SEM1: variants seen among roughly 807,000 people sequenced by gnomAD.
SEM1 encodes the protein 26S proteasome complex subunit SEM1.
Under a neutral mutation model 12.7 loss-of-function variants are expected in SEM1, and 3 were observed. The observed-to-expected ratio is 0.24, with a 90% CI of 0.11 to 0.61. SEM1 has a LOEUF of 0.61. Ranked by LOEUF, SEM1 falls within the 20% of genes least tolerant of loss-of-function variation. SEM1 has a pLI of 0.88. For synonymous variants in SEM1, 30 were observed against 27.8 expected, an observed-to-expected ratio of 1.08 and a Z score of -0.25; for missense variants, 59 against 81.3, an observed-to-expected ratio of 0.73 and a Z score of 1.06.
downstream of SEM1, among the ~76,000 whole-genome samples, chr7:96,621,328 C>T (rs1006204269): frequency 1.3e-5 from 2 of 152,050 alleles, no homozygotes; most frequent in African/African-American, 4.8e-5. Context: ...AATTGTGAAG[C>T]TTTGGTAGGC....
intron 2 of SEM1, among the ~76,000 whole-genome samples, chr7:96,552,354 C>G (rs948206604): frequency 1.1e-4 from 17 of 152,090 alleles, no homozygotes; most frequent in Non-Finnish European, 1.8e-4. Flanking sequence ...CACCACCCCA[C>G]AACAGTCCCC....
chr7:96,553,034 A>G (rs1171133428), intron 2 of SEM1, among the ~76,000 whole-genome samples: 2 of 151,532 alleles, frequency 1.3e-5, no homozygotes, highest in African/African-American at 4.9e-5. Context: ...CCACTTTTTG[A>G]TGGGGTTGTT....
At position 96,678,517 on chromosome 7, in the gene SEM1, C is replaced by T. The variant is rs144319123; in HGVS notation, c.171-4658G>A. On this transcript the variant is annotated intron_variant, in intron 2 of 2. Coordinates refer to the SEM1 transcript ENST00000413065. Reference sequence around the variant, plus strand: ...GAACATCTAGATCACTGTTATCAAACTTTAAAAGAAAGGCAGCAGAATCAA... The same window carrying T: ...GAACATCTAGATCACTGTTATCAAATTTTAAAAGAAAGGCAGCAGAATCAA... Among the ~76,000 whole-genome samples the T allele has an allele frequency of 3.0e-4, 45 of 152,218 alleles. 1 individual carries two copies. In the East Asian group the frequency reaches 7.1e-3, roughly 24 times the overall value.
chr7:96,587,494 G>A lies in SEM1; in HGVS notation c.171-80796C>T, dbSNP rs890223517. Among the ~76,000 whole-genome samples the A allele has an allele frequency of 2.0e-5, 3 of 152,040 alleles. No individual in the cohort carries two copies. The East Asian group carries it at 5.8e-4, about 29-fold the overall frequency. On this transcript the variant is annotated intron_variant and NMD_transcript_variant, in intron 2 of 3. Transcript: ENST00000466986. ...TTGCTCTCTTTCTCCCCCATGTTGG[G>A]AATATTTCCCCAGTTTTCCACTTCA...
intron 1 of SEM1, among the ~76,000 whole-genome samples, chr7:96,493,519 G>A (rs1296566666): frequency 6.6e-6 from 1 of 151,894 alleles, no homozygotes; most frequent in Non-Finnish European, 1.5e-5. Context: ...CATTAATTCT[G>A]CCATAACCTC....
intron 2 of SEM1, among the ~76,000 whole-genome samples, chr7:96,655,569 C>T (rs1210452377): frequency 6.6e-6 from 1 of 151,920 alleles, no homozygotes; most frequent in Non-Finnish European, 1.5e-5. Flanking sequence ...GTGTGAGCCA[C>T]TGCACCCAGC....
intron 2 of SEM1, among the ~76,000 whole-genome samples, chr7:96,567,919 TAC>T (rs57314671): frequency 2.9e-5 from 4 of 140,052 alleles, no homozygotes; most frequent in Admixed American, 6.8e-5. Context: ...TACACACACA[TAC>T]ACACACACAT....
rs559140047 is a variant in SEM1, at chr7:96,547,597, G to A, written c.171-40899C>T. Among the ~76,000 whole-genome samples, 52 of 152,242 alleles carry A rather than the reference G, an allele frequency of 3.4e-4. No individual in the cohort carries two copies. In the South Asian group the frequency reaches 7.9e-3, roughly 23 times the overall value. ...AGTGAGTCATGTTTCACTGTCTGTC[G>A]TTTTTTATAACTGTTTTCACCACTA... On this transcript the variant is annotated intron_variant and NMD_transcript_variant, in intron 2 of 3. Transcript: ENST00000466986.
intron 2 of SEM1, among the ~76,000 whole-genome samples, chr7:96,658,629 A>G (rs1809262825): frequency 6.6e-6 from 1 of 152,220 alleles, no homozygotes; most frequent in Admixed American, 6.5e-5. Flanking sequence ...AATAATGGGT[A>G]GAGTGTCTGT....
At chr7:96,626,390 G>A (rs546886820) in intron 2 of SEM1, among the ~76,000 whole-genome samples, 5 of 152,110 alleles carry the variant, frequency 3.3e-5, no homozygotes, top group African/African-American at 7.2e-5. Flanking sequence ...GTATTACATC[G>A]TATGTAAGTA....
chr7:96,598,872 A>G (rs1306336710), intron 2 of SEM1, among the ~76,000 whole-genome samples: 1 of 152,190 alleles, frequency 6.6e-6, no homozygotes, highest in African/African-American at 2.4e-5. Flanking sequence ...GATGTGAGCA[A>G]AATTGTGTAG....
chr7:96,603,249 G>C (rs1303531062), intron 2 of SEM1, among the ~76,000 whole-genome samples: 1 of 152,114 alleles, frequency 6.6e-6, no homozygotes, highest in Non-Finnish European at 1.5e-5. Flanking sequence ...TGGTCTTAAA[G>C]GCAATGATAA....
intron 2 of SEM1, among the ~76,000 whole-genome samples, chr7:96,536,836 C>T (rs926898365): frequency 2.0e-5 from 3 of 151,724 alleles, no homozygotes; most frequent in African/African-American, 7.2e-5. Flanking sequence ...TCATAGACAA[C>T]ATAGCTGAGT....
chr7:96,636,278 C>G (rs928278847), intron 2 of SEM1, among the ~76,000 whole-genome samples: 1 of 151,654 alleles, frequency 6.6e-6, no homozygotes, highest in Non-Finnish European at 1.5e-5. Flanking sequence ...GCTTATAACT[C>G]CTGGTTCCTG....
chr7:96,496,229 A>G (rs1362960844), intron 1 of SEM1: 2 of 1,098,398 alleles, frequency 1.8e-6, no homozygotes. Context: ...TAACTCATGT[A>G]GAGGATTATA....
At chr7:96,625,356 T>C (rs748513207) in intron 2 of SEM1, among the ~76,000 whole-genome samples, 1 of 152,156 alleles carries the variant, frequency 6.6e-6, no homozygotes, top group Non-Finnish European at 1.5e-5. Context: ...ACCAAACATG[T>C]GCAAGACCAG....
intron 2 of SEM1, among the ~76,000 whole-genome samples, chr7:96,552,340 C>T (rs556488284): frequency 2.0e-5 from 3 of 152,290 alleles, no homozygotes; most frequent in South Asian, 2.1e-4. Flanking sequence ...ATCCCTCCCC[C>T]TCCCACCACC....
intron 2 of SEM1, among the ~76,000 whole-genome samples, chr7:96,594,885 TAAAC>T (rs1052308025): frequency 3.3e-5 from 5 of 152,102 alleles, no homozygotes; most frequent in Admixed American, 6.6e-5. Flanking sequence ...AGCAGCTACA[TAAAC>T]AAAAGAATTT....
At chr7:96,682,488 T>A (rs186824301) in intron 2 of SEM1, among the ~76,000 whole-genome samples, 229 of 152,214 alleles carry the variant, frequency 1.5e-3, no homozygotes, top group African/African-American at 5.3e-3. Flanking sequence ...ATGCTTCCAG[T>A]TTTTGCCCAT....
Sources: allele counts gnomAD v4.1 joint callset (sites outside exome capture counted in the v4.1 genomes callset), GRCh38; gene constraint gnomAD v4.1.1; transcripts MANE v1.5; gene names NCBI Gene and HGNC (gene_info 2026-07-23, HGNC 2026-07-21).